PALMD: variants seen among roughly 807,000 people sequenced by gnomAD.
PALMD encodes the protein palmdelphin, also known as paralemmin-like protein.
A neutral mutation model predicts 56.2 loss-of-function variants in PALMD; 42 were observed. The ratio of observed to expected loss-of-function variants is 0.75; its 90% CI spans 0.58 to 0.97. The LOEUF is 0.97. PALMD is among the 50% of genes least tolerant of loss of function. The pLI is 0.00. For missense variants in PALMD, 660 were observed against 643.8 expected (o/e 1.03, Z -0.27); for synonymous variants, 242 against 222.9 (o/e 1.09, Z -0.76).
Position 99,646,225 on chromosome 1 carries a change from C to T in PALMD, c.-93C>T, listed in dbSNP as rs1242024838. ...AAAGAGCGGATTTCTCCCTGCTTCT[C>T]TTCTGTCACCCCCGCTCCTCTCCCC... On this transcript the variant is annotated 5_prime_UTR_variant, in exon 1 of 8. Transcript: ENST00000263174. 2 of 975,060 alleles carry T rather than the reference C, an allele frequency of 2.1e-6. No individual in the cohort carries two copies. The highest frequency in any genetic ancestry group is 1.8e-5 in the Admixed American group (1 of 56,032). 60.4% of individuals were successfully genotyped at this position (975,060 alleles called of 1,614,324 possible).
At chr1:99,686,628 G>A (rs372651898) in intron 3 of PALMD, 48 bp from the exon 4 acceptor site, 156 of 915,406 alleles carry the variant, frequency 1.7e-4, no homozygotes, top group Middle Eastern at 2.5e-4. Context: ...TGAGAACTCC[G>A]CATTTGTACT....
chr1:99,664,360 T>G (rs1652915765), intron 2 of PALMD, among the ~76,000 whole-genome samples: 1 of 152,194 alleles, frequency 6.6e-6, no homozygotes, highest in African/African-American at 2.4e-5. Flanking sequence ...TAAGTAGAAT[T>G]TATATGGATG....
intron 3 of PALMD, among the ~76,000 whole-genome samples, chr1:99,672,305 G>C (rs1456875266): frequency 6.6e-6 from 1 of 152,128 alleles, no homozygotes; most frequent in African/African-American, 2.4e-5. Context: ...CCCAGGGGAA[G>C]CCTATATTGA....
Position 99,688,851 on chromosome 1 carries a change from G to A in PALMD, c.591G>A (p.Leu197=), listed in dbSNP as rs1653587029. Residue 197 remains leucine, a synonymous_variant, in exon 7 of 8, where the codon CTG becomes CTA. Coordinates refer to ENST00000263174, the MANE Select transcript of PALMD (RefSeq NM_017734.5). ...GTACAGTTCTGTCTTCAATACCTCT[G>A]CCATCAGATGACTTTAAAGGTACAG... ...GESTVLSSIP[L]PSDDFKGTGI... 6.2e-7 allele frequency: 1 copy of A among 1,612,434 alleles called. No individual in the cohort carries two copies. The highest frequency in any genetic ancestry group is 8.5e-7 in the Non-Finnish European group (1 of 1,178,574).
chr1:99,679,889 AG>A (rs1309893183), intron 3 of PALMD, among the ~76,000 whole-genome samples: 1 of 152,142 alleles, frequency 6.6e-6, no homozygotes, highest in Non-Finnish European at 1.5e-5. Flanking sequence ...AACTAACAAC[AG>A]TGCTCATGGG....
chr1:99,694,197 G>A lies in PALMD; in HGVS notation c.*135G>A, dbSNP rs1653726874. 1.8e-6 allele frequency: 1 copy of A among 567,882 alleles called. No homozygotes were observed. The highest frequency in any genetic ancestry group is 3.1e-6 in the Non-Finnish European group (1 of 319,938). 35.2% of individuals were successfully genotyped at this position (567,882 alleles called of 1,614,324 possible). ...TACAGTGTACCATATTAAGCCATGT[G>A]AATAAGTAGTAGTCATTATTTGTGA... On this transcript the variant is annotated 3_prime_UTR_variant, in exon 8 of 8. Coordinates refer to ENST00000263174, the MANE Select transcript of PALMD (RefSeq NM_017734.5).
rs138247269 is a variant in PALMD at position 99,679,224 on chromosome 1, T to G, written c.252-7452T>G. Among the ~76,000 whole-genome samples the G allele has an allele frequency of 5.3e-5, 8 of 152,304 alleles. 1 individual carries two copies. The highest frequency in any genetic ancestry group is 5.2e-4 in the Admixed American group (8 of 15,304). On this transcript the variant is annotated intron_variant, in intron 3 of 7. Coordinates refer to ENST00000263174, the MANE Select transcript of PALMD (RefSeq NM_017734.5). ...TATAGATAAGAGCCAGTCATAAACT[T>G]AATTTCATACCTAGCATTGGTAGTT...
intron 1 of PALMD, among the ~76,000 whole-genome samples, chr1:99,659,897 G>T (rs1203492714): frequency 6.6e-6 from 1 of 152,178 alleles, no homozygotes; most frequent in African/African-American, 2.4e-5. Context: ...AGCAACCCTT[G>T]TATAAGCCTG....
intron 2 of PALMD, among the ~76,000 whole-genome samples, chr1:99,664,194 G>A (rs1571064088): frequency 6.6e-6 from 1 of 152,130 alleles, no homozygotes; most frequent in African/African-American, 2.4e-5. Context: ...GGAGTTGGGG[G>A]AAATGACACA....
At chr1:99,652,975 A>T (rs909443287) in intron 1 of PALMD, among the ~76,000 whole-genome samples, 1 of 152,120 alleles carries the variant, frequency 6.6e-6, no homozygotes, top group Admixed American at 6.6e-5. Context: ...GAGGTTTGGA[A>T]CAGAATCAAA....
intron 3 of PALMD, 24 bp downstream of exon 3, chr1:99,667,790 C>T: frequency 6.2e-7 from 1 of 1,602,648 alleles, no homozygotes. Context: ...TGAGATACTC[C>T]ACAACTACCT....
chr1:99,653,734 AC>A (rs1311056457), intron 1 of PALMD, among the ~76,000 whole-genome samples: 1 of 151,902 alleles, frequency 6.6e-6, no homozygotes, highest in Non-Finnish European at 1.5e-5. Context: ...ATGGATCGAC[AC>A]CCCCCAAAAA....
chr1:99,654,135 T>A (rs138252926), intron 1 of PALMD, among the ~76,000 whole-genome samples: 1 of 152,008 alleles, frequency 6.6e-6, no homozygotes, highest in African/African-American at 2.4e-5. Context: ...GTTCCACCAC[T>A]CGATCAATCA....
In PALMD at chr1:99,689,496, G is replaced by A. The variant is rs765810726; in HGVS notation, c.1236G>A (p.Pro412=). The change falls in exon 7 of 8, where the codon CCG becomes CCA. Residue 412 remains proline, a synonymous_variant. Transcript: ENST00000263174. ...SLPPDINDTE[P]VTMIFMGYQQ... ...CTCCAGACATAAATGATACAGAACC[G>A]GTGACAATGATTTTCATGGGGTATC... 6.4e-5 allele frequency: 104 copies of A among 1,613,608 alleles called. No individual in the cohort carries two copies. The highest frequency in any genetic ancestry group is 9.4e-5 in the African/African-American group (7 of 74,854).
intron 7 of PALMD, among the ~76,000 whole-genome samples, chr1:99,693,380 T>C (rs976161589): frequency 6.6e-6 from 1 of 152,216 alleles, no homozygotes; most frequent in African/African-American, 2.4e-5. Flanking sequence ...ACATTCTAAA[T>C]CTACATTTTA....
chr1:99,649,173 A>G (rs551349594), intron 1 of PALMD, among the ~76,000 whole-genome samples: 2 of 152,346 alleles, frequency 1.3e-5, no homozygotes, highest in South Asian at 4.1e-4. Flanking sequence ...TTAATACTTT[A>G]TCCATGCACC....
chr1:99,647,133 C>A (rs1212322255), intron 1 of PALMD, among the ~76,000 whole-genome samples: 8 of 152,080 alleles, frequency 5.3e-5, no homozygotes, highest in Non-Finnish European at 1.2e-4. Context: ...TTTTATAAAA[C>A]CCTGTATTTG....
At chr1:99,676,372 C>T (rs1377901665) in intron 3 of PALMD, among the ~76,000 whole-genome samples, 1 of 152,116 alleles carries the variant, frequency 6.6e-6, no homozygotes, top group Non-Finnish European at 1.5e-5. Flanking sequence ...AATTATTCTT[C>T]ATCTTTTTTG....
chr1:99,680,095 C>A (rs1040282278), intron 3 of PALMD, among the ~76,000 whole-genome samples: 3 of 152,154 alleles, frequency 2.0e-5, no homozygotes, highest in Non-Finnish European at 4.4e-5. Flanking sequence ...GGTTGTGAGT[C>A]CTTGTTAACT....
Sources: gnomAD v4.1 joint callset for allele counts (sites outside exome capture counted in the v4.1 genomes callset) on GRCh38, gnomAD v4.1.1 for gene constraint, MANE v1.5 for transcripts, NCBI Gene and HGNC (gene_info 2026-07-23, HGNC 2026-07-21) for gene names.